EFCAB8: variants seen among roughly 807,000 people sequenced by gnomAD.
The protein encoded by EFCAB8 is EF-hand calcium-binding domain-containing protein 8.
A neutral mutation model predicts 116.3 loss-of-function variants in EFCAB8; 100 were observed. The ratio of observed to expected loss-of-function variants is 0.86; its 90% CI spans 0.73 to 1.02. The LOEUF (loss-of-function observed/expected upper bound fraction) is 1.02, where lower values mean the gene tolerates loss of function less well. Ranked by LOEUF, EFCAB8 falls within the 50% of genes least tolerant of loss-of-function variation. EFCAB8 has a pLI of 0.00. For synonymous variants in EFCAB8, 558 were observed against 567.9 expected (o/e 0.98, Z 0.25); for missense variants, 1,320 against 1,416.9 (o/e 0.93, Z 1.10).
chr20:32,867,834 T>C, intron 3 of EFCAB8, 87 bp downstream of exon 3: 1 of 1,402,788 alleles, frequency 7.1e-7, no homozygotes, highest in Non-Finnish European at 9.5e-7. Context: ...GGTTCAGACA[T>C]AATAAGCATT....
chr20:32,867,510 A>G (rs1984484634), intron 2 of EFCAB8, 72 bp from the exon 3 acceptor site: 1 of 1,481,628 alleles, frequency 6.7e-7, no homozygotes, highest in Non-Finnish European at 9.1e-7. Flanking sequence ...CTCTCTTTAA[A>G]TCATGTGCTG....
In EFCAB8 at chr20:32,938,083, A is replaced by G. The variant is rs541952972; in HGVS notation, c.2791-5553A>G. Among the ~76,000 whole-genome samples, 19 of 150,214 alleles carry G rather than the reference A, an allele frequency of 1.3e-4. 1 individual carries two copies. Among genetic ancestry groups the G allele is most frequent in the Non-Finnish European group, 2.1e-4 (14 of 67,502 alleles). The stretch of plus-strand genomic sequence containing the variant: ...AATCTTCAAAATACTAGCAAATTGA[A>G]ACCAACAACATATGAAAATGATTAT... On this transcript the variant is annotated intron_variant, in intron 22 of 26. Transcript: ENST00000400522.
chr20:32,862,407 G>A (rs905260507), intron 1 of EFCAB8, among the ~76,000 whole-genome samples: 9 of 151,944 alleles, frequency 5.9e-5, no homozygotes, highest in African/African-American at 2.2e-4. Context: ...TAATTGGACA[G>A]CCTAGTATCA....
chr20:32,918,230 G>A (rs888786850), intron 18 of EFCAB8, 132 bp from the exon 19 acceptor site: 7 of 850,560 alleles, frequency 8.2e-6, no homozygotes, highest in Non-Finnish European at 1.3e-5. Flanking sequence ...ATGCCTTTAA[G>A]GGGGCTAGGT....
At position 32,906,872 on chromosome 20, in the gene EFCAB8, C is replaced by T. The variant is rs191009804; in HGVS notation, c.1186C>T (p.Leu396=). ...TGGTGGCTACGATGCCTTCATCCGC[C>T]TGTGGAACCCCTTTGTCTCAAAGAG... The part of the protein sequence containing the change: ...VTGGYDAFIR[L]WNPFVSKRPV... Residue 396 remains leucine, a synonymous_variant, in exon 13 of 27, where the codon CTG becomes TTG. Transcript: ENST00000400522. The T allele has an allele frequency of 3.3e-4, 515 of 1,542,092 alleles. 2 individuals carry two copies. The African/African-American group carries it at 6.3e-3, about 19-fold the overall frequency.
chr20:32,925,330 G>A (rs754593630), intron 20 of EFCAB8, among the ~76,000 whole-genome samples: 6 of 151,938 alleles, frequency 3.9e-5, no homozygotes, highest in Admixed American at 2.0e-4. Context: ...AGTGATTCTC[G>A]TGCCTCAACC....
At chr20:32,935,944 G>T (rs998802814) in intron 22 of EFCAB8, among the ~76,000 whole-genome samples, 1 of 152,042 alleles carries the variant, frequency 6.6e-6, no homozygotes, top group East Asian at 1.9e-4. Context: ...TCTTTACTTT[G>T]TTCATTGTTT....
intron 3 of EFCAB8, among the ~76,000 whole-genome samples, chr20:32,868,984 C>CAA (rs959472907): frequency 7.0e-6 from 1 of 142,164 alleles, no homozygotes; most frequent in Non-Finnish European, 1.5e-5. Context: ...GACTCCATCT[C>CAA]AAAAAAAAAA....
At position 32,918,541 on chromosome 20, in the gene EFCAB8, A is replaced by T. The variant is rs1987302790; in HGVS notation, c.2241A>T (p.Arg747Ser). 6 of 1,551,632 alleles carry T rather than the reference A, an allele frequency of 3.9e-6. No homozygotes were observed. In the African/African-American group the frequency reaches 8.2e-5, roughly 21 times the overall value. The change falls in exon 19 of 27, where the codon AGA becomes AGT. Residue 747 changes from arginine to serine, a missense_variant. Physicochemically the swap from Arg to Ser is moderately radical, Grantham distance 110. Coordinates refer to ENST00000400522, the MANE Select transcript of EFCAB8 (RefSeq NM_001143967.2). ...CTCCCCCAGTGATGCGGTGCCCGAG[A>T]GACAAGGAGCCAGACAGGCCTGTGC... is the stretch of plus-strand genomic sequence containing the variant. ...VSAPPVMRCPRDKEPDRPVPQ... is the reference protein window; with the variant it reads ...VSAPPVMRCPSDKEPDRPVPQ...
intron 18 of EFCAB8, 62 bp from the exon 19 acceptor site, chr20:32,918,300 C>A: frequency 1.3e-6 from 2 of 1,494,428 alleles, no homozygotes; most frequent in Admixed American, 2.0e-5. Context: ...TGATCTGGGG[C>A]AGTCCTGAAT....
intron 3 of EFCAB8, 27 bp from the exon 4 acceptor site, chr20:32,875,899 A>G (rs1253957007): frequency 2.6e-6 from 4 of 1,544,490 alleles, no homozygotes; most frequent in Non-Finnish European, 3.5e-6. Flanking sequence ...GAGGAAGGGG[A>G]TGATGCTCTC....
chr20:32,936,698 G>A (rs1194662717), intron 22 of EFCAB8, among the ~76,000 whole-genome samples: 1 of 152,132 alleles, frequency 6.6e-6, no homozygotes, highest in East Asian at 1.9e-4. Flanking sequence ...GCACCATACT[G>A]TTTTGATTAT....
intron 2 of EFCAB8, among the ~76,000 whole-genome samples, 182 bp downstream of exon 2, chr20:32,864,016 G>A (rs890927635): frequency 5.9e-5 from 9 of 151,336 alleles, no homozygotes; most frequent in South Asian, 2.1e-4. Context: ...TCGCTCTGTC[G>A]CCCAGGCTGG....
Position 32,864,003 on chromosome 20 carries a change from G to A in EFCAB8, c.42+169G>A, listed in dbSNP as rs1041687646. Among the ~76,000 whole-genome samples, 4 of 151,470 alleles carry A rather than the reference G, an allele frequency of 2.6e-5. No homozygotes were observed. The East Asian group carries it at 5.9e-4, about 22-fold the overall frequency. ...GTGTATTTTTTTTTTTTGAGACAGA[G>A]TCTCGCTCTGTCGCCCAGGCTGGAG... On this transcript the variant is annotated intron_variant, in intron 2 of 26. Transcript: ENST00000400522.
intron 20 of EFCAB8, among the ~76,000 whole-genome samples, chr20:32,929,919 C>A (rs1423118747): frequency 6.6e-6 from 1 of 152,168 alleles, no homozygotes; most frequent in Non-Finnish European, 1.5e-5. Flanking sequence ...TAGCAAAGGG[C>A]ATGATCAAAA....
At chr20:32,924,034 G>A (rs937134268) in intron 20 of EFCAB8, among the ~76,000 whole-genome samples, 13 of 152,144 alleles carry the variant, frequency 8.5e-5, no homozygotes, top group Non-Finnish European at 2.9e-5. Flanking sequence ...GCCAGACAAT[G>A]AACTTAATGG....
Position 32,867,755 on chromosome 20 carries a change from C to CGA in EFCAB8, c.208+9_208+10insAG. 1 of 1,550,098 alleles carries CGA rather than the reference C, an allele frequency of 6.5e-7. No homozygotes were observed. Among genetic ancestry groups the CGA allele is most frequent in the Non-Finnish European group, 8.7e-7 (1 of 1,146,374 alleles). On this transcript the variant is annotated intron_variant, in intron 3 of 26. Coordinates refer to ENST00000400522, the MANE Select transcript of EFCAB8 (RefSeq NM_001143967.2). ...ACATCAACTCGACTGGAGGTAAGGC[C>CGA]GCTCTGTAGGCTCGGTTTTTGTGTG...
In EFCAB8 at chr20:32,867,765, G is replaced by A. The variant is rs546570463; in HGVS notation, c.208+18G>A. ...GACTGGAGGTAAGGCCGCTCTGTAG[G>A]CTCGGTTTTTGTGTGAGTTCTGCAA... On this transcript the variant is annotated intron_variant, in intron 3 of 26. Coordinates refer to ENST00000400522, the MANE Select transcript of EFCAB8 (RefSeq NM_001143967.2). 2 of 1,548,764 alleles carry A rather than the reference G, an allele frequency of 1.3e-6. No homozygotes were observed. The highest frequency in any genetic ancestry group is 2.4e-5 in the South Asian group (2 of 83,652).
intron 7 of EFCAB8, among the ~76,000 whole-genome samples, chr20:32,889,917 G>C (rs910072422): frequency 6.6e-6 from 1 of 150,980 alleles, no homozygotes; most frequent in African/African-American, 2.4e-5. Context: ...CAGGAGAATC[G>C]CTTGAACCTG....
Sources: gnomAD v4.1 joint callset for allele counts (sites outside exome capture counted in the v4.1 genomes callset) on GRCh38, gnomAD v4.1.1 for gene constraint, MANE v1.5 for transcripts, NCBI Gene and HGNC (gene_info 2026-07-23, HGNC 2026-07-21) for gene names.